ZC2HC1B: variants seen among roughly 807,000 people sequenced by gnomAD.
ZC2HC1B encodes the protein zinc finger C2HC domain-containing protein 1B.
In ZC2HC1B, 36 loss-of-function variants were observed where a neutral mutation model predicts 31.0. That is an observed-to-expected ratio of 1.16 (90% CI 0.89 to 1.54). The LOEUF is 1.54. ZC2HC1B is among the 40% of genes most tolerant of loss of function. The pLI is 0.00. For missense variants in ZC2HC1B, 260 were observed against 268.6 expected, an observed-to-expected ratio of 0.97 and a Z score of 0.22; for synonymous variants, 73 against 88.0, an observed-to-expected ratio of 0.83 and a Z score of 0.95.
chr6:143,872,534 T>G lies in ZC2HC1B; in HGVS notation c.28+7967T>G, dbSNP rs1232044905. ...GATCCAAATATTCCCACTATATTTA[T>G]TTTTTATTTTTTAAATTTATGTATT... On this transcript the variant is annotated intron_variant, in intron 1 of 7. Coordinates refer to ENST00000237275, the MANE Select transcript of ZC2HC1B (RefSeq NM_001013623.3). This position sits in a 1 kb window ranked among gnomAD's most constrained non-coding sequence, Gnocchi z 5.5. Among the ~76,000 whole-genome samples, 1 of 152,176 alleles carries G rather than the reference T, an allele frequency of 6.6e-6. No homozygotes were observed. The highest frequency in any genetic ancestry group is 1.5e-5 in the Non-Finnish European group (1 of 68,032).
At chr6:143,892,170 C>G (rs904930579) in intron 4 of ZC2HC1B, among the ~76,000 whole-genome samples, 1 of 152,092 alleles carries the variant, frequency 6.6e-6, no homozygotes, top group African/African-American at 2.4e-5. Context: ...ATGGCACTGG[C>G]ATCTGCTTCT....
chr6:143,932,078 T>G (rs907127165), intron 6 of ZC2HC1B, among the ~76,000 whole-genome samples: 3 of 152,100 alleles, frequency 2.0e-5, no homozygotes, highest in African/African-American at 7.2e-5. Flanking sequence ...TTTCACCATG[T>G]TAGCCAGGCT....
rs918203482 is a variant in ZC2HC1B, at chr6:143,903,717, A to T, written c.598+565A>T. Among the ~76,000 whole-genome samples, 1 of 152,174 alleles carries T rather than the reference A, an allele frequency of 6.6e-6. No homozygotes were observed. The highest frequency in any genetic ancestry group is 1.5e-5 in the Non-Finnish European group (1 of 68,028). On this transcript the variant is annotated intron_variant, in intron 6 of 7. Transcript: ENST00000237275. This position sits in a 1 kb window ranked among gnomAD's most constrained non-coding sequence, Gnocchi z 4.3. Reference sequence around the variant, plus strand: ...GCCCTAGTGGGTACCAAAACCTGAGATGTTGAAGTCCCTGATATAAAATGG... The same window carrying T: ...GCCCTAGTGGGTACCAAAACCTGAGTTGTTGAAGTCCCTGATATAAAATGG...
At chr6:143,937,876 C>T (rs541545643) in intron 7 of ZC2HC1B, 143 bp downstream of exon 7, 2 of 588,128 alleles carry the variant, frequency 3.4e-6, no homozygotes, top group African/African-American at 3.8e-5. Context: ...TTGAAACTGA[C>T]TCTGCTGTTA....
At chr6:143,878,668 A>C (rs1358149779) in intron 1 of ZC2HC1B, among the ~76,000 whole-genome samples, 1 of 137,532 alleles carries the variant, frequency 7.3e-6, no homozygotes, top group Admixed American at 6.9e-5. Flanking sequence ...GTGTCTTTAA[A>C]CAGAAACATG....
rs1777759430 is a variant in ZC2HC1B at position 143,903,452 on chromosome 6, C to T, written c.598+300C>T. On this transcript the variant is annotated intron_variant, in intron 6 of 7. Transcript: ENST00000237275. This position sits in a 1 kb window ranked among gnomAD's most constrained non-coding sequence, Gnocchi z 4.3. ...TTGAAAATAGGAGAAGACCACGTGTCATATGTTTGTGTTGAAAATAAGGGG... is the reference window on the plus strand; with the variant it reads ...TTGAAAATAGGAGAAGACCACGTGTTATATGTTTGTGTTGAAAATAAGGGG... 6.6e-6 allele frequency among the ~76,000 whole-genome samples: 1 copy of T among 152,138 alleles called. No homozygotes were observed. Among genetic ancestry groups the T allele is most frequent in the Admixed American group, 6.5e-5 (1 of 15,272 alleles).
rs1218941228 is a variant in ZC2HC1B at position 143,866,062 on chromosome 6, G to T, written c.28+1495G>T. On this transcript the variant is annotated intron_variant, in intron 1 of 7. Coordinates refer to ENST00000237275, the MANE Select transcript of ZC2HC1B (RefSeq NM_001013623.3). Reference sequence around the variant, plus strand: ...AAACTCTTGACCTTATGATCCGCCCGCCTCGGCCTCCCAAAGTGCTGGGAT... The same window carrying T: ...AAACTCTTGACCTTATGATCCGCCCTCCTCGGCCTCCCAAAGTGCTGGGAT... Among the ~76,000 whole-genome samples the T allele has an allele frequency of 2.0e-5, 3 of 152,130 alleles. No individual in the cohort carries two copies. In the East Asian group the frequency reaches 5.8e-4, roughly 29 times the overall value.
rs1414082666 is a variant in ZC2HC1B at position 143,872,890 on chromosome 6, A to T, written c.28+8323A>T. Among the ~76,000 whole-genome samples the T allele has an allele frequency of 6.6e-6, 1 of 152,174 alleles. No individual in the cohort carries two copies. The highest frequency in any genetic ancestry group is 2.4e-5 in the African/African-American group (1 of 41,432). On this transcript the variant is annotated intron_variant, in intron 1 of 7. Transcript: ENST00000237275. This position sits in a 1 kb window ranked among gnomAD's most constrained non-coding sequence, Gnocchi z 5.5. ...CAAGTGGAGATTTGGGTAGGGACACAACCAAACCATATCATTCTGCCCCTG... is the reference window on the plus strand; with the variant it reads ...CAAGTGGAGATTTGGGTAGGGACACTACCAAACCATATCATTCTGCCCCTG...
chr6:143,898,345 G>A (rs1777693790), intron 4 of ZC2HC1B, among the ~76,000 whole-genome samples: 2 of 152,088 alleles, frequency 1.3e-5, no homozygotes, highest in South Asian at 4.2e-4. Context: ...ATTTTTTGTA[G>A]GGACGGGGTT....
intron 4 of ZC2HC1B, among the ~76,000 whole-genome samples, chr6:143,898,284 C>T (rs976339469): frequency 1.3e-5 from 2 of 152,056 alleles, no homozygotes; most frequent in Non-Finnish European, 2.9e-5. Context: ...TGGGCTCAAG[C>T]TATCCTCTCA....
In ZC2HC1B at chr6:143,885,946, T is replaced by C. The variant is rs1319792540; in HGVS notation, c.91-86T>C. 5.0e-6 allele frequency: 7 copies of C among 1,387,784 alleles called. No individual in the cohort carries two copies. The East Asian group carries it at 1.6e-4, about 32-fold the overall frequency. The allele number at this position is 1,387,784 out of a possible 1,614,324, so 86.0% of individuals were successfully genotyped here. A position where few individuals can be genotyped will look rare whatever the true frequency, so the allele number is the denominator to read the frequency against. On this transcript the variant is annotated intron_variant, in intron 2 of 7. Coordinates refer to ENST00000237275, the MANE Select transcript of ZC2HC1B (RefSeq NM_001013623.3). This position sits in a 1 kb window ranked among gnomAD's most constrained non-coding sequence, Gnocchi z 4.2. ...GGCTCTGAGGAGCAAACATAGTCCC[T>C]GGAGTGGGGGCTGTCTAGGTACACC...
intron 5 of ZC2HC1B, among the ~76,000 whole-genome samples, chr6:143,902,282 G>A (rs774916412): frequency 2.9e-4 from 44 of 152,196 alleles, no homozygotes; most frequent in Non-Finnish European, 5.1e-4. Flanking sequence ...TAACACAGCC[G>A]AAATATGTTT....
At chr6:143,928,596 AT>A (rs964529569) in intron 6 of ZC2HC1B, among the ~76,000 whole-genome samples, 11 of 149,252 alleles carry the variant, frequency 7.4e-5, no homozygotes, top group Middle Eastern at 3.4e-3. Flanking sequence ...GAATTTTAGG[AT>A]TTTTTTTTTC....
In ZC2HC1B at chr6:143,886,749, G is replaced by A; in HGVS notation, c.277G>A (p.Ala93Thr). Reference sequence around the variant, plus strand: ...AGACTTTATTAATGCAATCCGATCAGCAAAGCAGTGTATGCTAGCCATTAA... The same window carrying A: ...AGACTTTATTAATGCAATCCGATCAACAAAGCAGTGTATGCTAGCCATTAA... ...HEDFINAIRS[A>T]KQCMLAIKEG... The change falls in exon 4 of 8, where the codon GCA (alanine) becomes ACA (threonine). Residue 93 changes from alanine (A) to threonine (T), a missense_variant. Coordinates refer to ENST00000237275, the MANE Select transcript of ZC2HC1B (RefSeq NM_001013623.3). This position sits in a 1 kb window ranked among gnomAD's most constrained non-coding sequence, Gnocchi z 4.2. 2 of 1,549,734 alleles carry A rather than the reference G, an allele frequency of 1.3e-6. No individual in the cohort carries two copies. The highest frequency in any genetic ancestry group is 1.7e-6 in the Non-Finnish European group (2 of 1,146,046).
rs1412841713 is a variant in ZC2HC1B, at chr6:143,903,554, A to G, written c.598+402A>G. Among the ~76,000 whole-genome samples, 1 of 152,232 alleles carries G rather than the reference A, an allele frequency of 6.6e-6. No homozygotes were observed. Among genetic ancestry groups the G allele is most frequent in the East Asian group, 1.9e-4 (1 of 5,196 alleles). On this transcript the variant is annotated intron_variant, in intron 6 of 7. Coordinates refer to ENST00000237275, the MANE Select transcript of ZC2HC1B (RefSeq NM_001013623.3). This position sits in a 1 kb window ranked among gnomAD's most constrained non-coding sequence, Gnocchi z 4.3. ...CTATGTCCTGATAAGCCCATTGTAA[A>G]TAGAAATATTATAAGTCAAAAATGC... is the stretch of plus-strand genomic sequence containing the variant.
intron 5 of ZC2HC1B, among the ~76,000 whole-genome samples, chr6:143,902,817 G>A (rs192310336): frequency 4.3e-4 from 66 of 152,230 alleles, no homozygotes; most frequent in African/African-American, 1.4e-3. Context: ...AATTATGGAA[G>A]GGAAGCTTCA....
In ZC2HC1B at chr6:143,903,668, T is replaced by C. The variant is rs1158127212; in HGVS notation, c.598+516T>C. Among the ~76,000 whole-genome samples the C allele has an allele frequency of 6.6e-6, 1 of 152,208 alleles. No individual in the cohort carries two copies. The highest frequency in any genetic ancestry group is 1.5e-5 in the Non-Finnish European group (1 of 68,034). On this transcript the variant is annotated intron_variant, in intron 6 of 7. Coordinates refer to ENST00000237275, the MANE Select transcript of ZC2HC1B (RefSeq NM_001013623.3). This position sits in a 1 kb window ranked among gnomAD's most constrained non-coding sequence, Gnocchi z 4.3. ...GAATTTCTGTACAGTCATCCCTCGG[T>C]ATCCACAGGGGATTGGTCCCAGGGC...
At position 143,911,666 on chromosome 6, in the gene ZC2HC1B, G is replaced by A. The variant is rs1582969035; in HGVS notation, c.598+8514G>A. ...TTAGTCTGATGGCTTGCCTTTGTAG[G>A]TGACCTGGCCTTTCTCTCTGGCTGC... On this transcript the variant is annotated intron_variant, in intron 6 of 7. Transcript: ENST00000237275. This position sits in a 1 kb window ranked among gnomAD's most constrained non-coding sequence, Gnocchi z 4.5. Among the ~76,000 whole-genome samples the A allele has an allele frequency of 6.6e-6, 1 of 152,130 alleles. No homozygotes were observed. Among genetic ancestry groups the A allele is most frequent in the East Asian group, 1.9e-4 (1 of 5,198 alleles).
chr6:143,898,484 T>A (rs1489322678), intron 4 of ZC2HC1B, 68 bp from the exon 5 acceptor site: 2 of 1,498,236 alleles, frequency 1.3e-6, no homozygotes, highest in Non-Finnish European at 1.8e-6. Context: ...GTTCATTCTA[T>A]AATTCTATAG....
Sources: gnomAD v4.1 joint callset for allele counts (sites outside exome capture counted in the v4.1 genomes callset) on GRCh38, gnomAD v4.1.1 for gene constraint, Gnocchi (gnomAD v3.1) non-coding constraint, MANE v1.5 for transcripts, NCBI Gene and HGNC (gene_info 2026-07-23, HGNC 2026-07-21) for gene names.